The following INPP5D variants were observed in gnomAD, a reference collection of about 807,000 sequenced individuals.
INPP5D encodes inositol polyphosphate-5-phosphatase D.
A neutral mutation model predicts 122.9 loss-of-function variants in INPP5D; 33 were observed. The observed-to-expected ratio is 0.27, with a 90% CI of 0.20 to 0.36. The LOEUF is 0.36. Ranked by LOEUF, INPP5D falls within the 10% of genes least tolerant of loss-of-function variation. The pLI is 1.00. For synonymous variants in INPP5D, 584 were observed against 576.2 expected, an observed-to-expected ratio of 1.01 and a Z score of -0.19; for missense variants, 1,053 against 1,412.7, an observed-to-expected ratio of 0.75 and a Z score of 4.08.
In INPP5D at chr2:233,170,105, C is replaced by T; in HGVS notation, c.1732C>T (p.Arg578Cys). The change falls in exon 15 of 27, where the codon CGC becomes TGC. Residue 578 changes from arginine to cysteine, a missense_variant. Transcript: ENST00000445964. The surrounding 1 kb of genome is among the most constrained non-coding windows in gnomAD (Gnocchi z 4.5). ...KKLSPFNITH[R>C]FTHLFWFGDL... is the part of the protein sequence containing the mutation. ...GCTGAGTCCCTTTAACATCACTCAC[C>T]GCTTCACGCACCTCTTCTGGTTTGG... 11 of 1,614,022 alleles carry T rather than the reference C, an allele frequency of 6.8e-6. No individual in the cohort carries two copies. Among genetic ancestry groups the T allele is most frequent in the East Asian group, 2.2e-5 (1 of 44,882 alleles).
chr2:233,162,357 C>T (rs1317595968), intron 11 of INPP5D, among the ~76,000 whole-genome samples: 1 of 85,196 alleles, frequency 1.2e-5, no homozygotes, highest in Non-Finnish European at 3.7e-5. Context: ...TATATATGCT[C>T]ATAGACATTA....
chr2:233,073,442 C>A (rs1222651969), intron 1 of INPP5D, among the ~76,000 whole-genome samples: 1 of 151,966 alleles, frequency 6.6e-6, no homozygotes, highest in African/African-American at 2.4e-5. Flanking sequence ...GAGTTCAAGA[C>A]CAGCCTGGCC....
chr2:233,169,749 A>C, intron 14 of INPP5D: 1 of 599,982 alleles, frequency 1.7e-6, no homozygotes, highest in South Asian at 2.2e-5. Context: ...ACAGCCATCT[A>C]GAATCTTCAC....
chr2:233,122,472 C>T (rs1235089341), intron 3 of INPP5D, among the ~76,000 whole-genome samples: 1 of 152,178 alleles, frequency 6.6e-6, no homozygotes, highest in Non-Finnish European at 1.5e-5. Flanking sequence ...GGGGAAATTA[C>T]CTGACCTCTC....
chr2:233,180,677 T>G (rs1181283014), intron 18 of INPP5D, among the ~76,000 whole-genome samples: 1 of 152,236 alleles, frequency 6.6e-6, no homozygotes, highest in African/African-American at 2.4e-5. Flanking sequence ...CAGCTGGGAT[T>G]ACAGGCGCCC....
chr2:233,190,005 A>G (rs1695012775), intron 22 of INPP5D, 68 bp downstream of exon 22: 2 of 1,579,666 alleles, frequency 1.3e-6, no homozygotes, highest in African/African-American at 2.7e-5. Context: ...CATTGCCTTC[A>G]GGGGAGCTCA....
intron 2 of INPP5D, among the ~76,000 whole-genome samples, chr2:233,088,846 G>A (rs562134944): frequency 1.3e-5 from 2 of 152,282 alleles, no homozygotes; most frequent in East Asian, 3.9e-4. Flanking sequence ...GGGATTGACA[G>A]CAAGGCCATC....
chr2:233,081,435 G>C (rs1691686292), intron 2 of INPP5D, among the ~76,000 whole-genome samples: 2 of 152,196 alleles, frequency 1.3e-5, no homozygotes, highest in Non-Finnish European at 2.9e-5. Flanking sequence ...TTCCTTCAAA[G>C]TGAAGAAAAC....
chr2:233,086,149 CTT>C (rs1410597373), intron 2 of INPP5D, among the ~76,000 whole-genome samples: 1 of 143,532 alleles, frequency 7.0e-6, no homozygotes, highest in Non-Finnish European at 1.5e-5. Context: ...TTCTTTCTTT[CTT>C]TCTTTCTTTC....
chr2:233,113,678 T>A (rs66493939), intron 2 of INPP5D, among the ~76,000 whole-genome samples: 1 of 152,010 alleles, frequency 6.6e-6, no homozygotes, highest in South Asian at 2.1e-4. Flanking sequence ...CTAGGGCCAC[T>A]CTCGCTGGCT....
At chr2:233,073,229 ATTTGTTTCTTTCCTTGATTCTG>A (rs1429223066) in intron 1 of INPP5D, among the ~76,000 whole-genome samples, 2 of 152,086 alleles carry the variant, frequency 1.3e-5, no homozygotes, top group African/African-American at 2.4e-5. Flanking sequence ...GCTCACTCGC[ATTTGTTTCTTTCCTTGATTCTG>A]TTTGTCACAG....
At chr2:233,134,551 C>T (rs1363999425) in intron 5 of INPP5D, among the ~76,000 whole-genome samples, 1 of 152,086 alleles carries the variant, frequency 6.6e-6, no homozygotes, top group African/African-American at 2.4e-5. Flanking sequence ...GACGATGTCC[C>T]CGTGCGGGTC....
intron 11 of INPP5D, among the ~76,000 whole-genome samples, chr2:233,162,119 C>A (rs567679965): frequency 6.6e-6 from 1 of 152,172 alleles, no homozygotes; most frequent in East Asian, 1.9e-4. Flanking sequence ...GTCTGAATAT[C>A]TAGGTGAAGG....
In INPP5D at chr2:233,182,485, T is replaced by C. The variant is rs1164868125; in HGVS notation, c.2147T>C (p.Phe716Ser). The change falls in exon 19 of 27, where the codon TTT (phenylalanine) becomes TCT (serine). Residue 716 changes from phenylalanine (F) to serine (S), a missense_variant. By Grantham distance (155) the Phe-to-Ser change is radical. This residue lies in a region of INPP5D where 258 missense variants were observed against 439.1 expected (regional missense o/e 0.59). Transcript: ENST00000445964. ...TTTGAGGCAGGAGTCACTTCCCAGT[T>C]TGTCTCCAAGAACGGTAAGCAAAGG... ...ATFEAGVTSQ[F>S]VSKNGPGTVD... 6.2e-7 allele frequency: 1 copy of C among 1,613,402 alleles called. No homozygotes were observed. The highest frequency in any genetic ancestry group is 1.7e-5 in the Admixed American group (1 of 59,984).
intron 9 of INPP5D, among the ~76,000 whole-genome samples, chr2:233,156,283 G>T (rs1694051518): frequency 3.3e-5 from 5 of 152,086 alleles, no homozygotes; most frequent in Admixed American, 3.3e-4. Flanking sequence ...AGAGTGCCAG[G>T]TTCACACTTC....
At chr2:233,097,934 T>G (rs1692192960) in intron 2 of INPP5D, among the ~76,000 whole-genome samples, 1 of 151,734 alleles carries the variant, frequency 6.6e-6, no homozygotes, top group Non-Finnish European at 1.5e-5. Flanking sequence ...TCGCCTAGGC[T>G]GGAGTGCAGT....
rs1695157846 is a variant in INPP5D at position 233,195,491 on chromosome 2, A to G, written c.2689A>G (p.Ser897Gly). 5.6e-6 allele frequency: 9 copies of G among 1,605,684 alleles called. No homozygotes were observed. Among genetic ancestry groups the G allele is most frequent in the Non-Finnish European group, 6.8e-6 (8 of 1,174,930 alleles). The change falls in exon 24 of 27, where the codon AGC (serine) becomes GGC (glycine). Residue 897 changes from serine (S) to glycine (G), a missense_variant. By Grantham distance (56) the Ser-to-Gly change is moderately conservative (BLOSUM62 0). Coordinates refer to ENST00000445964, the MANE Select transcript of INPP5D (RefSeq NM_001017915.3). ...HDPMKQWEVT[S>G]RAPPCSGSSI... ...CCCCATGAAGCAGTGGGAAGTCACT[A>G]GCAGGTAAAGTGGGCGTGGGGTGGG...
chr2:233,157,474 C>T (rs1353639333), intron 9 of INPP5D, among the ~76,000 whole-genome samples: 1 of 151,774 alleles, frequency 6.6e-6, no homozygotes, highest in Non-Finnish European at 1.5e-5. Context: ...AGGAATAACA[C>T]AAAGTTGTCT....
chr2:233,087,817 A>G (rs1397161995), intron 2 of INPP5D, among the ~76,000 whole-genome samples: 1 of 152,148 alleles, frequency 6.6e-6, no homozygotes, highest in Non-Finnish European at 1.5e-5. Flanking sequence ...GTAGTCATCA[A>G]TCTTAAATTT....
Sources: allele counts gnomAD v4.1 joint callset (sites outside exome capture counted in the v4.1 genomes callset), GRCh38; gene constraint gnomAD v4.1.1; regional missense constraint gnomAD v4.1.1; non-coding constraint Gnocchi (gnomAD v3.1); transcripts MANE v1.5; gene names NCBI Gene and HGNC (gene_info 2026-07-23, HGNC 2026-07-21).